ATP10B: variants seen among roughly 807,000 people sequenced by gnomAD.
The protein encoded by ATP10B is phospholipid-transporting ATPase VB.
In ATP10B, 122 loss-of-function variants were observed where a neutral mutation model predicts 141.2. That is an observed-to-expected ratio of 0.86 (90% confidence interval 0.75 to 1.00). The LOEUF (loss-of-function observed/expected upper bound fraction) is 1.00. Ranked by LOEUF, ATP10B falls within the 50% of genes least tolerant of loss-of-function variation. ATP10B has a pLI of 0.00. For synonymous variants in ATP10B, 685 were observed against 692.0 expected (o/e 0.99, Z 0.16); for missense variants, 1,876 against 1,825.3 (o/e 1.03, Z -0.51).
At position 160,766,453 on chromosome 5, in the gene ATP10B, C is replaced by T. The variant is rs116361679; in HGVS notation, c.-331+19106G>A. Among the ~76,000 whole-genome samples the T allele has an allele frequency of 8.2e-3, 1,248 of 151,800 alleles. 17 individuals carry two copies. The highest frequency in any genetic ancestry group is 0.029 in the African/African-American group (1,201 of 41,378). ...GCAAAGGCATTCACAGCAACCTGAA[C>T]GGAGTTGGAGAACATTATTCTAAGT... is the stretch of plus-strand genomic sequence containing the variant. On this transcript the variant is annotated intron_variant, in intron 2 of 25. Transcript: ENST00000327245.
intron 2 of ATP10B, among the ~76,000 whole-genome samples, chr5:160,764,814 A>T (rs1201095759): frequency 6.6e-6 from 1 of 152,122 alleles, no homozygotes; most frequent in East Asian, 1.9e-4. Context: ...AGAAAACCCT[A>T]AAGACTCATC....
chr5:160,830,940 ATCTCTC>A (rs140435010), intron 1 of ATP10B, among the ~76,000 whole-genome samples: 5 of 139,726 alleles, frequency 3.6e-5, no homozygotes, highest in Admixed American at 7.5e-5. Context: ...CCTCTTCTCA[ATCTCTC>A]TCTCTCTCTC....
intron 1 of ATP10B, among the ~76,000 whole-genome samples, chr5:160,803,677 A>C (rs1456443294): frequency 6.6e-6 from 1 of 152,168 alleles, no homozygotes; most frequent in Non-Finnish European, 1.5e-5. Context: ...CTCCATCTCA[A>C]AAAAATAAAA....
At chr5:160,689,137 ACCT>A (rs1763929571) in intron 3 of ATP10B, among the ~76,000 whole-genome samples, 194 bp from the exon 4 acceptor site, 1 of 152,260 alleles carries the variant, frequency 6.6e-6, no homozygotes. Flanking sequence ...CCATATGATT[ACCT>A]CAATAGATGC....
At chr5:160,814,617 T>A (rs1356237677) in intron 1 of ATP10B, among the ~76,000 whole-genome samples, 2 of 151,510 alleles carry the variant, frequency 1.3e-5, no homozygotes, top group African/African-American at 4.8e-5. Context: ...AACATTCAAA[T>A]TCAGGAAATA....
chr5:160,598,341 A>G (rs112809671), intron 22 of ATP10B, among the ~76,000 whole-genome samples: 3 of 152,006 alleles, frequency 2.0e-5, no homozygotes, highest in African/African-American at 7.3e-5. Context: ...GAACAATGAG[A>G]ACACATGGAC....
rs531152473 is a variant in ATP10B at position 160,784,536 on chromosome 5, AGTTGTT to A, written c.-331+1017_-331+1022del. Reference sequence around the variant, plus strand: ...GCAATGCATATTTAATGTTATTTGTAGTTGTTGTTGTTGTTTTTAAGTTGGCAGTGA... The same window carrying A: ...GCAATGCATATTTAATGTTATTTGTAGTTGTTGTTTTTAAGTTGGCAGTGA... On this transcript the variant is annotated intron_variant, in intron 2 of 25. Transcript: ENST00000327245. 1.7e-3 allele frequency among the ~76,000 whole-genome samples: 265 copies of A among 152,224 alleles called. 3 individuals are homozygous for A. The highest frequency in any genetic ancestry group is 3.2e-3 in the Non-Finnish European group (216 of 67,992).
the ATP10B span, among the ~76,000 whole-genome samples, chr5:160,869,677 G>C: frequency 2.8e-4 from 42 of 152,230 alleles, no homozygotes; most frequent in Non-Finnish European, 5.3e-4. Flanking sequence ...TTGCCCCCAA[G>C]ATTGAAAGAC....
the ATP10B span, among the ~76,000 whole-genome samples, chr5:160,909,474 C>T: frequency 6.6e-6 from 1 of 152,096 alleles, no homozygotes; most frequent in Non-Finnish European, 1.5e-5. Context: ...CAGAGGAACA[C>T]TTTGGAGGGC....
At position 160,565,235 on chromosome 5, in the gene ATP10B, T is replaced by C; in HGVS notation, c.*218A>G. ...CTCCTTCTCCAAACTGTTTGCAAGA[T>C]GTGCTGCCTGAGAGCAGCAGAAAAC... On this transcript the variant is annotated 3_prime_UTR_variant, in exon 26 of 26. Transcript: ENST00000327245. 1 of 573,564 alleles carries C rather than the reference T, an allele frequency of 1.7e-6. No homozygotes were observed. Among genetic ancestry groups the C allele is most frequent in the Non-Finnish European group, 3.1e-6 (1 of 322,894 alleles). 35.5% of individuals were successfully genotyped at this position (573,564 alleles called of 1,614,324 possible).
At chr5:160,600,196 T>C (rs1286781217) in intron 21 of ATP10B, among the ~76,000 whole-genome samples, 3 of 152,182 alleles carry the variant, frequency 2.0e-5, no homozygotes, top group African/African-American at 7.2e-5. Context: ...TATCACATGT[T>C]GATATTAACA....
intron 1 of ATP10B, among the ~76,000 whole-genome samples, chr5:160,802,887 C>T (rs1475532356): frequency 6.6e-6 from 1 of 152,180 alleles, no homozygotes; most frequent in African/African-American, 2.4e-5. Context: ...TCTTCAGTTT[C>T]ACGATTCTTC....
chr5:160,779,866 T>A (rs192190442), intron 2 of ATP10B, among the ~76,000 whole-genome samples: 1 of 152,334 alleles, frequency 6.6e-6, no homozygotes, highest in East Asian at 1.9e-4. Flanking sequence ...GGATATTACA[T>A]AGCAGATGTA....
Position 160,612,555 on chromosome 5 carries a change from G to A in ATP10B, c.2838+186C>T, listed in dbSNP as rs983975837. ...AAGAGACCAGCTAGCCATGTGTGGGGATGAGATAAAGGATATTGGGCTGGA... is the reference window on the plus strand; with the variant it reads ...AAGAGACCAGCTAGCCATGTGTGGGAATGAGATAAAGGATATTGGGCTGGA... On this transcript the variant is annotated intron_variant, in intron 18 of 25. Coordinates refer to ENST00000327245, the MANE Select transcript of ATP10B (RefSeq NM_025153.3). 7 of 470,764 alleles carry A rather than the reference G, an allele frequency of 1.5e-5. No homozygotes were observed. The Admixed American group carries it at 2.6e-4, about 18-fold the overall frequency. The allele number at this position is 470,764 out of a possible 1,614,324, so 29.2% of individuals were successfully genotyped here.
intron 3 of ATP10B, among the ~76,000 whole-genome samples, chr5:160,700,803 GC>G (rs1764623342): frequency 6.6e-6 from 1 of 152,090 alleles, no homozygotes; most frequent in Non-Finnish European, 1.5e-5. Flanking sequence ...ATTGAACATT[GC>G]CCCTTGGATG....
intron 24 of ATP10B, among the ~76,000 whole-genome samples, chr5:160,577,439 T>C (rs1164124081): frequency 6.6e-6 from 1 of 152,152 alleles, no homozygotes; most frequent in East Asian, 1.9e-4. Flanking sequence ...TGACCTCTCA[T>C]TGGCTAAGAG....
chr5:160,750,073 A>C (rs2127821194), intron 2 of ATP10B, among the ~76,000 whole-genome samples: 3 of 152,336 alleles, frequency 2.0e-5, no homozygotes, highest in Middle Eastern at 6.8e-3. Flanking sequence ...GAAGGTATGC[A>C]GGTTTTGATT....
At chr5:160,616,418 G>A (rs1205766923) in intron 16 of ATP10B, among the ~76,000 whole-genome samples, 2 of 152,158 alleles carry the variant, frequency 1.3e-5, no homozygotes, top group African/African-American at 4.8e-5. Context: ...AATGACAGAG[G>A]GTCAATCATG....
rs539142739 is a variant in ATP10B at position 160,570,977 on chromosome 5, TTATC to T, written c.3751-1298_3751-1295del. Among the ~76,000 whole-genome samples the T allele has an allele frequency of 8.2e-3, 1,250 of 152,358 alleles. 7 individuals carry two copies. Among genetic ancestry groups the T allele is most frequent in the Middle Eastern group, 0.017 (5 of 294 alleles). On this transcript the variant is annotated intron_variant, in intron 24 of 25. Transcript: ENST00000327245. ...CTTGTTCTTCCTTAGAAGGAAATCTTTATCTCTTAAAGCCTGCTTGCTTTTATAA... is the reference window on the plus strand; with the variant it reads ...CTTGTTCTTCCTTAGAAGGAAATCTTTCTTAAAGCCTGCTTGCTTTTATAA...
Sources: allele counts gnomAD v4.1 joint callset (sites outside exome capture counted in the v4.1 genomes callset), GRCh38; gene constraint gnomAD v4.1.1; transcripts MANE v1.5; gene names NCBI Gene and HGNC (gene_info 2026-07-23, HGNC 2026-07-21).